PPARGC1A: variants seen among roughly 807,000 people sequenced by gnomAD.
PPARGC1A encodes the protein PPARG coactivator 1 alpha.
PPARGC1A carries 25 observed loss-of-function variants against 88.7 expected under a neutral mutation model. The ratio of observed to expected loss-of-function variants is 0.28; its 90% CI spans 0.21 to 0.39. PPARGC1A has a LOEUF of 0.39. PPARGC1A is among the 10% of genes least tolerant of loss of function. The probability of loss-of-function intolerance (pLI) is 1.00; values close to 1 mark genes in which losing one functional copy is unlikely to be tolerated. For synonymous variants in PPARGC1A, 363 were observed against 355.6 expected (o/e 1.02, Z -0.24); for missense variants, 880 against 968.7 (o/e 0.91, Z 1.22).
the PPARGC1A span, among the ~76,000 whole-genome samples, chr4:24,282,349 A>T: frequency 5.2e-3 from 790 of 152,336 alleles, 8 homozygotes; most frequent in African/African-American, 0.018. Context: ...AACAGCGTCT[A>T]TTTCTGCACA....
chr4:24,339,239 C>T, the PPARGC1A span, among the ~76,000 whole-genome samples: 24 of 104,556 alleles, frequency 2.3e-4, no homozygotes, highest in African/African-American at 5.0e-4. Flanking sequence ...TATATATATA[C>T]ACACACACAC....
chr4:24,440,889 C>T, the PPARGC1A span, among the ~76,000 whole-genome samples: 1 of 152,096 alleles, frequency 6.6e-6, no homozygotes, highest in Non-Finnish European at 1.5e-5. Context: ...CACACAAAAT[C>T]AAATCAGCCA....
the PPARGC1A span, among the ~76,000 whole-genome samples, chr4:24,114,072 C>A: frequency 2.8e-3 from 390 of 140,014 alleles, 4 homozygotes; most frequent in East Asian, 0.055. Context: ...CGCAGTGAGC[C>A]GAGATCGTGC....
the PPARGC1A span, among the ~76,000 whole-genome samples, chr4:24,041,274 G>A: frequency 6.6e-6 from 1 of 152,174 alleles, no homozygotes; most frequent in Non-Finnish European, 1.5e-5. Context: ...GAAGTGGGAC[G>A]TTTTCCCTCC....
At chr4:24,424,437 G>A in the PPARGC1A span, among the ~76,000 whole-genome samples, 106 of 151,634 alleles carry the variant, frequency 7.0e-4, 2 homozygotes, top group African/African-American at 2.3e-3. Context: ...CACCATGCCC[G>A]GCTAATTTTT....
intron 2 of PPARGC1A, chr4:23,883,027 A>C (rs1486738629): frequency 6.6e-6 from 1 of 152,158 alleles, no homozygotes; most frequent in Non-Finnish European, 1.5e-5. Flanking sequence ...GGAGATGGAC[A>C]TTTTTTAAAG....
upstream of PPARGC1A, among the ~76,000 whole-genome samples, chr4:23,894,358 G>T (rs540285637): frequency 6.6e-6 from 1 of 152,094 alleles, no homozygotes; most frequent in Non-Finnish European, 1.5e-5. Context: ...TTGGGCCTCT[G>T]GTTAGAAGCA....
At chr4:24,065,600 CAGA>C in the PPARGC1A span, among the ~76,000 whole-genome samples, 1 of 152,104 alleles carries the variant, frequency 6.6e-6, no homozygotes, top group African/African-American at 2.4e-5. Context: ...CCTCTGTCTG[CAGA>C]AGTTGTATGA....
At chr4:23,908,069 T>C (rs1329293835), upstream of PPARGC1A, among the ~76,000 whole-genome samples, 1 of 152,192 alleles carries the variant, frequency 6.6e-6, no homozygotes, top group Non-Finnish European at 1.5e-5. Flanking sequence ...AAAGTGATAT[T>C]TGAATTCACT....
At chr4:24,051,003 T>A in the PPARGC1A span, among the ~76,000 whole-genome samples, 3 of 151,944 alleles carry the variant, frequency 2.0e-5, no homozygotes, top group East Asian at 2.0e-4. Context: ...CTGGCTAACA[T>A]GGTGAAACCC....
chr4:24,103,222 C>A, the PPARGC1A span, among the ~76,000 whole-genome samples: 2 of 152,048 alleles, frequency 1.3e-5, no homozygotes, highest in Non-Finnish European at 2.9e-5. Context: ...AAGCCTTGGC[C>A]GAGTGGGTAG....
At chr4:24,202,273 G>A in the PPARGC1A span, among the ~76,000 whole-genome samples, 605 of 152,162 alleles carry the variant, frequency 4.0e-3, 4 homozygotes, top group African/African-American at 0.014. Flanking sequence ...TCATTTTCCC[G>A]TGAAGCTCAT....
the PPARGC1A span, among the ~76,000 whole-genome samples, chr4:24,101,273 AG>A: frequency 1.3e-5 from 2 of 152,288 alleles, no homozygotes; most frequent in Admixed American, 1.3e-4. Flanking sequence ...CACATGAAAA[AG>A]GTGCCTGCTT....
chr4:23,812,648 G>T (rs946728741), intron 10 of PPARGC1A, 99 bp downstream of exon 10: 1 of 1,560,598 alleles, frequency 6.4e-7, no homozygotes, highest in Non-Finnish European at 8.7e-7. Flanking sequence ...TTCTAACAAA[G>T]ACTTAGCTTT....
At chr4:24,040,092 T>G in the PPARGC1A span, among the ~76,000 whole-genome samples, 3 of 152,304 alleles carry the variant, frequency 2.0e-5, no homozygotes, top group South Asian at 2.1e-4. Flanking sequence ...TTCTGTCTAT[T>G]TTGAGGACAA....
the PPARGC1A span, among the ~76,000 whole-genome samples, chr4:24,077,506 G>A: frequency 1.3e-4 from 19 of 151,254 alleles, no homozygotes; most frequent in African/African-American, 4.6e-4. Flanking sequence ...TCCAAGTAGT[G>A]TTTTTTCAAT....
At chr4:24,418,738 A>G in the PPARGC1A span, among the ~76,000 whole-genome samples, 1 of 152,240 alleles carries the variant, frequency 6.6e-6, no homozygotes, top group East Asian at 1.9e-4. Context: ...CATAGCTATT[A>G]CCATTTTCAT....
At chr4:24,369,175 G>A in the PPARGC1A span, among the ~76,000 whole-genome samples, 6 of 152,082 alleles carry the variant, frequency 3.9e-5, no homozygotes, top group African/African-American at 7.2e-5. Flanking sequence ...CATGGATAAC[G>A]GTCACCTCCT....
chr4:24,037,155 C>G, the PPARGC1A span, among the ~76,000 whole-genome samples: 1 of 152,164 alleles, frequency 6.6e-6, no homozygotes, highest in Non-Finnish European at 1.5e-5. Context: ...GTCAGAAAAA[C>G]CTTCCTTAAA....
Sources: allele counts gnomAD v4.1 joint callset (sites outside exome capture counted in the v4.1 genomes callset), GRCh38; gene constraint gnomAD v4.1.1; transcripts MANE v1.5; gene names NCBI Gene and HGNC (gene_info 2026-07-23, HGNC 2026-07-21).